Variants in DAB1 observed in about 807,000 individuals in gnomAD.
DAB1 encodes disabled homolog 1.
In DAB1, 15 loss-of-function variants were observed where a neutral mutation model predicts 64.6. The ratio of observed to expected loss-of-function variants is 0.23; its 90% confidence interval spans 0.16 to 0.36. The LOEUF is 0.36. Ranked by LOEUF, DAB1 falls within the 10% of genes least tolerant of loss-of-function variation. The probability of loss-of-function intolerance (pLI) is 1.00; values close to 1 mark genes in which losing one functional copy is unlikely to be tolerated. For missense variants in DAB1, 596 were observed against 706.7 expected (o/e 0.84, Z 1.78); for synonymous variants, 235 against 251.9 (o/e 0.93, Z 0.64).
upstream of DAB1, chr1:57,424,095 T>C (rs1685151232): frequency 6.6e-6 from 1 of 150,716 alleles, no homozygotes; most frequent in Non-Finnish European, 1.5e-5. Context: ...CGCGTCAGAG[T>C]AGGGGGAGGA....
intron 7 of DAB1, among the ~76,000 whole-genome samples, chr1:57,606,411 T>C (rs1238369250): frequency 7.8e-6 from 1 of 128,696 alleles, no homozygotes; most frequent in Non-Finnish European, 1.6e-5. Flanking sequence ...ATTATATATA[T>C]GATATATATT....
intron 7 of DAB1, among the ~76,000 whole-genome samples, chr1:57,639,211 G>A (rs1231324609): frequency 7.4e-6 from 1 of 134,956 alleles, no homozygotes. Flanking sequence ...AAGAACTTTA[G>A]TAAATAACTT....
chr1:57,065,888 T>C (rs957563081), intron 8 of DAB1, among the ~76,000 whole-genome samples: 1 of 152,180 alleles, frequency 6.6e-6, no homozygotes, highest in Non-Finnish European at 1.5e-5. Flanking sequence ...CACCATCTCA[T>C]CCCCGTGCCA....
chr1:57,321,709 T>C (rs988963880), intron 1 of DAB1, among the ~76,000 whole-genome samples: 8 of 152,120 alleles, frequency 5.3e-5, no homozygotes, highest in Non-Finnish European at 4.4e-5. Context: ...ATGGGAGTAA[T>C]AGCTCTCACT....
At chr1:57,324,836 C>T (rs1676022034) in intron 1 of DAB1, among the ~76,000 whole-genome samples, 1 of 152,290 alleles carries the variant, frequency 6.6e-6, no homozygotes, top group Admixed American at 6.5e-5. Context: ...TCCTCCACCA[C>T]TACCCTCAAT....
intron 4 of DAB1, among the ~76,000 whole-genome samples, chr1:57,077,503 A>T (rs1043001407): frequency 6.6e-6 from 1 of 152,234 alleles, no homozygotes; most frequent in Admixed American, 6.5e-5. Flanking sequence ...TGGATGCTCA[A>T]TACATGTTCA....
intron 3 of DAB1, among the ~76,000 whole-genome samples, chr1:58,424,034 T>C (rs1314749228): frequency 6.6e-6 from 1 of 152,178 alleles, no homozygotes; most frequent in East Asian, 1.9e-4. Flanking sequence ...TAGTCTCTCC[T>C]AAAGGAGTTC....
chr1:58,267,498 A>G (rs951186211), intron 4 of DAB1, among the ~76,000 whole-genome samples: 7 of 152,134 alleles, frequency 4.6e-5, no homozygotes, highest in Non-Finnish European at 8.8e-5. Flanking sequence ...ATCTTTCAAA[A>G]AAGTTCCCTT....
At chr1:57,693,258 C>T (rs928779975) in intron 6 of DAB1, among the ~76,000 whole-genome samples, 12 of 151,306 alleles carry the variant, frequency 7.9e-5, no homozygotes, top group Non-Finnish European at 1.6e-4. Context: ...CCAACAGCAG[C>T]TGGGGTGTCC....
intron 3 of DAB1, among the ~76,000 whole-genome samples, chr1:58,488,844 G>C (rs1645623055): frequency 6.6e-6 from 1 of 152,172 alleles, no homozygotes; most frequent in African/African-American, 2.4e-5. Context: ...CATCCTCATA[G>C]CTTAGCTCCC....
chr1:57,271,476 C>A (rs1670994354), intron 2 of DAB1, among the ~76,000 whole-genome samples: 1 of 152,186 alleles, frequency 6.6e-6, no homozygotes, highest in African/African-American at 2.4e-5. Context: ...AACTCACTTC[C>A]TGTAAAGACT....
chr1:57,432,307 T>C (rs570866414), intron 7 of DAB1, among the ~76,000 whole-genome samples: 17 of 152,282 alleles, frequency 1.1e-4, no homozygotes, highest in East Asian at 5.8e-4. Flanking sequence ...CTAGATTTCA[T>C]TGGGAAACCA....
rs564833903 is a variant in DAB1 at position 57,872,066 on chromosome 1, G to C, written n.87+11933C>G. Among the ~76,000 whole-genome samples, 26 of 152,224 alleles carry C rather than the reference G, an allele frequency of 1.7e-4. 1 individual carries two copies. On this transcript the variant is annotated intron_variant and non_coding_transcript_variant, in intron 1 of 1. Transcript: ENST00000477280. ...GTATATATCATAATCTACACTGTAG[G>C]ATTCTTATGATAAAATGAAATGAAA...
At chr1:58,107,528 GGGTT>G (rs1465023776) in intron 5 of DAB1, among the ~76,000 whole-genome samples, 1 of 151,830 alleles carries the variant, frequency 6.6e-6, no homozygotes, top group Non-Finnish European at 1.5e-5. Context: ...GTGCCAGGGA[GGGTT>G]TCACAGAACA....
chr1:57,717,659 A>C (rs1385282402), intron 6 of DAB1, among the ~76,000 whole-genome samples: 1 of 152,182 alleles, frequency 6.6e-6, no homozygotes, highest in Non-Finnish European at 1.5e-5. Context: ...CCAAGATATG[A>C]AATTAACCTA....
chr1:57,109,922 C>G (rs1320940977), intron 4 of DAB1, among the ~76,000 whole-genome samples: 1 of 152,132 alleles, frequency 6.6e-6, no homozygotes, highest in Non-Finnish European at 1.5e-5. Context: ...ATGGCTAGAT[C>G]AATGCATGTT....
At chr1:57,025,487 G>A (rs1646755644) in intron 10 of DAB1, among the ~76,000 whole-genome samples, 1 of 152,176 alleles carries the variant, frequency 6.6e-6, no homozygotes, top group African/African-American at 2.4e-5. Flanking sequence ...GAAAGAAAGA[G>A]GGAAAGGAGA....
chr1:58,213,577 T>A (rs1658678079), intron 4 of DAB1, among the ~76,000 whole-genome samples: 1 of 151,844 alleles, frequency 6.6e-6, no homozygotes, highest in African/African-American at 2.4e-5. Flanking sequence ...GAGAACAGCA[T>A]GGTGGTAACC....
intron 1 of DAB1, among the ~76,000 whole-genome samples, chr1:57,346,563 AT>A (rs1174502337): frequency 6.6e-6 from 1 of 152,174 alleles, no homozygotes; most frequent in Middle Eastern, 3.2e-3. Flanking sequence ...TTATTAATAA[AT>A]TTCCTTTACA....
Sources: gnomAD v4.1 joint callset for allele counts (sites outside exome capture counted in the v4.1 genomes callset) on GRCh38, gnomAD v4.1.1 for gene constraint, MANE v1.5 for transcripts, NCBI Gene and HGNC (gene_info 2026-07-23, HGNC 2026-07-21) for gene names.